Variants in GLMN observed in about 807,000 individuals in gnomAD.
GLMN encodes the protein glomulin.
GLMN carries 75 observed loss-of-function variants against 87.8 expected under a neutral mutation model. The ratio of observed to expected loss-of-function variants is 0.85; its 90% CI spans 0.71 to 1.04. The LOEUF (loss-of-function observed/expected upper bound fraction) is 1.04, where lower values mean the gene tolerates loss of function less well. Ranked by LOEUF, GLMN falls within the 50% of genes least tolerant of loss-of-function variation. GLMN has a pLI of 0.00. For synonymous variants in GLMN, 206 were observed against 221.6 expected (o/e 0.93, Z 0.63); for missense variants, 588 against 658.8 (o/e 0.89, Z 1.18).
At chr1:92,337,543 TTTACA>T in the GLMN span, among the ~76,000 whole-genome samples, 2 of 152,156 alleles carry the variant, frequency 1.3e-5, no homozygotes, top group Non-Finnish European at 2.9e-5. Context: ...TTTGTAATAA[TTTACA>T]TTAAACTATC....
At chr1:92,327,789 T>C in the GLMN span, among the ~76,000 whole-genome samples, 20 of 152,150 alleles carry the variant, frequency 1.3e-4, no homozygotes, top group Non-Finnish European at 7.4e-5. Flanking sequence ...TATTTTGGTA[T>C]TATTTCCAGG....
chr1:92,319,789 A>C, the GLMN span, among the ~76,000 whole-genome samples: 11 of 152,346 alleles, frequency 7.2e-5, no homozygotes, highest in African/African-American at 2.6e-4. Context: ...ACCTGAAGTC[A>C]GGAGTTCAAG....
chr1:92,323,081 A>ATCTTTATATT, the GLMN span, among the ~76,000 whole-genome samples: 1 of 146,382 alleles, frequency 6.8e-6, no homozygotes, highest in Non-Finnish European at 1.5e-5. Flanking sequence ...ATATTTATAT[A>ATCTTTATATT]TATATATATA....
chr1:92,276,449 C>T (rs1647304224), intron 7 of GLMN, among the ~76,000 whole-genome samples: 1 of 152,046 alleles, frequency 6.6e-6, no homozygotes, highest in African/African-American at 2.4e-5. Flanking sequence ...ATCGCTTGAG[C>T]CCAGGAGTTC....
At chr1:92,279,045 C>T (rs1203854807) in intron 7 of GLMN, among the ~76,000 whole-genome samples, 4 of 151,984 alleles carry the variant, frequency 2.6e-5, no homozygotes, top group Non-Finnish European at 5.9e-5. Context: ...CTGTCACCCA[C>T]ACCAGGTTCT....
chr1:92,353,329 A>T, the GLMN span, among the ~76,000 whole-genome samples: 4 of 152,186 alleles, frequency 2.6e-5, no homozygotes, highest in Admixed American at 2.6e-4. Context: ...AGGGCTCCAA[A>T]GATTGAACTT....
the GLMN span, among the ~76,000 whole-genome samples, chr1:92,360,050 C>T: frequency 1.2e-4 from 19 of 152,300 alleles, no homozygotes; most frequent in Non-Finnish European, 2.4e-4. Context: ...TCTGTAAAAA[C>T]ATATACTTTG....
At chr1:92,289,243 C>T (rs559189005) in intron 5 of GLMN, 92 bp from the exon 6 acceptor site, 1 of 791,728 alleles carries the variant, frequency 1.3e-6, no homozygotes, top group Non-Finnish European at 2.3e-6. Context: ...CTTCCTCCTC[C>T]CACATTTTAA....
the GLMN span, among the ~76,000 whole-genome samples, chr1:92,340,800 T>C: frequency 2.0e-5 from 3 of 152,306 alleles, no homozygotes; most frequent in African/African-American, 7.2e-5. Context: ...ATCTAGAATG[T>C]TACATTGGTT....
At chr1:92,282,513 A>C (rs1402631876) in intron 7 of GLMN, among the ~76,000 whole-genome samples, 1 of 152,160 alleles carries the variant, frequency 6.6e-6, no homozygotes, top group Non-Finnish European at 1.5e-5. Context: ...ATGCCCACAA[A>C]AGAAAGCAGG....
chr1:92,299,465 T>C (rs919989911), upstream of GLMN, among the ~76,000 whole-genome samples: 4 of 152,076 alleles, frequency 2.6e-5, no homozygotes, highest in African/African-American at 9.7e-5. Flanking sequence ...TAGGGCAGCG[T>C]TGGCAGCTGG....
chr1:92,354,890 A>AATTATTATTATTATTATT, the GLMN span, among the ~76,000 whole-genome samples: 1 of 147,684 alleles, frequency 6.8e-6, no homozygotes, highest in African/African-American at 2.5e-5. Context: ...AATTTATGTA[A>AATTATTATTATTATTATT]ATTATTATTA....
intron 3 of GLMN, among the ~76,000 whole-genome samples, chr1:92,292,065 T>A (rs1239300467): frequency 2.0e-5 from 3 of 152,270 alleles, no homozygotes; most frequent in Non-Finnish European, 4.4e-5. Context: ...TTTATCTTTA[T>A]AATGACTAAT....
the GLMN span, among the ~76,000 whole-genome samples, chr1:92,364,844 A>G: frequency 6.6e-6 from 1 of 152,122 alleles, no homozygotes; most frequent in Non-Finnish European, 1.5e-5. Context: ...TTTAAAAATC[A>G]TCTCACTGAA....
chr1:92,327,661 G>A, the GLMN span, among the ~76,000 whole-genome samples: 9 of 151,338 alleles, frequency 5.9e-5, no homozygotes, highest in African/African-American at 2.2e-4. Context: ...TTCAATGTTA[G>A]TATTGAGATG....
the GLMN span, among the ~76,000 whole-genome samples, chr1:92,348,265 C>G: frequency 6.6e-6 from 1 of 152,186 alleles, no homozygotes; most frequent in African/African-American, 2.4e-5. Context: ...TTCTCTCTTT[C>G]GTTATGCCCT....
the GLMN span, among the ~76,000 whole-genome samples, chr1:92,350,646 T>C: frequency 6.6e-6 from 1 of 152,364 alleles, no homozygotes; most frequent in South Asian, 2.1e-4. Flanking sequence ...TATATATAGA[T>C]TGTCTTCTAT....
intron 16 of GLMN, among the ~76,000 whole-genome samples, chr1:92,255,420 T>C (rs1352150864): frequency 6.6e-6 from 1 of 152,152 alleles, no homozygotes; most frequent in Non-Finnish European, 1.5e-5. Flanking sequence ...AACAGACATC[T>C]ACAGAACTCT....
At chr1:92,368,043 G>A in the GLMN span, among the ~76,000 whole-genome samples, 1 of 152,184 alleles carries the variant, frequency 6.6e-6, no homozygotes, top group Non-Finnish European at 1.5e-5. Flanking sequence ...AATTCAGATT[G>A]TGGAGCTACA....
Sources: gnomAD v4.1 joint callset for allele counts (sites outside exome capture counted in the v4.1 genomes callset) on GRCh38, gnomAD v4.1.1 for gene constraint, MANE v1.5 for transcripts, NCBI Gene and HGNC (gene_info 2026-07-23, HGNC 2026-07-21) for gene names.